Variants in CLVS1 observed in about 807,000 individuals in gnomAD.
CLVS1 encodes the protein clavesin-1.
CLVS1 carries 10 observed loss-of-function variants against 33.1 expected under a neutral mutation model. The observed-to-expected ratio is 0.30, with a 90% CI of 0.19 to 0.51. CLVS1 has a LOEUF of 0.51. Among genes scored for constraint, CLVS1 ranks in the 20% least tolerant of loss-of-function variants. The pLI, the probability that CLVS1 is intolerant of heterozygous loss-of-function variation, is 0.97. For missense variants in CLVS1, 343 were observed against 433.4 expected, an observed-to-expected ratio of 0.79 and a Z score of 1.85; for synonymous variants, 163 against 166.1, an observed-to-expected ratio of 0.98 and a Z score of 0.14.
At chr8:61,266,543 C>A (rs1242301346) in intron 2 of CLVS1, among the ~76,000 whole-genome samples, 1 of 152,174 alleles carries the variant, frequency 6.6e-6, no homozygotes, top group East Asian at 1.9e-4. Flanking sequence ...CATCCTATTT[C>A]TCCACATCTA....
chr8:61,047,799 C>G, the CLVS1 span, among the ~76,000 whole-genome samples: 29,599 of 151,702 alleles, frequency 0.2, 3,923 homozygotes, highest in African/African-American at 0.38. Context: ...TTGTGGGTTG[C>G]GGGGAGCGGG....
intron 1 of CLVS1, 59 bp downstream of exon 1, chr8:61,288,197 C>G: frequency 2.2e-6 from 1 of 456,346 alleles, no homozygotes. Flanking sequence ...CTTTCCCCCG[C>G]TCTTTCGATG....
intron 2 of CLVS1, among the ~76,000 whole-genome samples, chr8:61,344,621 G>A (rs1262573370): frequency 2.0e-5 from 3 of 152,192 alleles, no homozygotes. Context: ...ATAGACTGGA[G>A]TTTGTGCAGC....
At chr8:61,233,346 A>C (rs1291329053) in intron 2 of CLVS1, among the ~76,000 whole-genome samples, 2 of 152,112 alleles carry the variant, frequency 1.3e-5, no homozygotes, top group Non-Finnish European at 2.9e-5. Flanking sequence ...TCAATGTATG[A>C]TATTCAGTGA....
At chr8:61,045,816 C>G in the CLVS1 span, among the ~76,000 whole-genome samples, 2 of 152,282 alleles carry the variant, frequency 1.3e-5, no homozygotes, top group African/African-American at 4.8e-5. Flanking sequence ...GGCTGTGCCT[C>G]TGGCCACTTT....
the CLVS1 span, among the ~76,000 whole-genome samples, chr8:61,004,909 G>A: frequency 1.3e-5 from 2 of 152,108 alleles, no homozygotes; most frequent in African/African-American, 4.8e-5. Flanking sequence ...ATATCTGTCG[G>A]GAAAGGTGTT....
At chr8:61,076,404 T>C (rs1786693498) in intron 1 of CLVS1, among the ~76,000 whole-genome samples, 1 of 152,220 alleles carries the variant, frequency 6.6e-6, no homozygotes. Context: ...AAGAAAGGGC[T>C]AAGATCACAG....
intron 2 of CLVS1, among the ~76,000 whole-genome samples, chr8:61,327,708 T>A (rs935886111): frequency 6.6e-6 from 1 of 152,098 alleles, no homozygotes; most frequent in Admixed American, 6.5e-5. Context: ...ACAAGGCCAC[T>A]GACTCTACAC....
chr8:61,297,550 C>T (rs987795516), intron 1 of CLVS1, among the ~76,000 whole-genome samples: 2 of 152,124 alleles, frequency 1.3e-5, no homozygotes, highest in African/African-American at 4.8e-5. Flanking sequence ...GGAGCAAATT[C>T]AGGATAAGGA....
At chr8:61,496,166 A>G (rs1290651101) in intron 5 of CLVS1, among the ~76,000 whole-genome samples, 4 of 152,220 alleles carry the variant, frequency 2.6e-5, no homozygotes, top group Non-Finnish European at 5.9e-5. Context: ...GTTGGTCTAG[A>G]TGAGTCACTG....
chr8:61,259,129 G>A (rs11780203), intron 2 of CLVS1, among the ~76,000 whole-genome samples: 21,624 of 152,166 alleles, frequency 0.14, 3,168 homozygotes, highest in African/African-American at 0.38. Context: ...TCTCTGTTTA[G>A]AAACTGAGGC....
At chr8:61,110,680 C>G (rs1031012786) in intron 1 of CLVS1, among the ~76,000 whole-genome samples, 10 of 152,160 alleles carry the variant, frequency 6.6e-5, no homozygotes, top group Non-Finnish European at 1.3e-4. Flanking sequence ...TCTGTACCCA[C>G]TAAACTACAG....
At chr8:61,282,554 A>G (rs1809693959) in intron 2 of CLVS1, among the ~76,000 whole-genome samples, 1 of 152,180 alleles carries the variant, frequency 6.6e-6, no homozygotes, top group South Asian at 2.1e-4. Context: ...CTGCCCAAAT[A>G]ATTCAGGCAT....
At chr8:61,480,345 A>G in intron 5 of CLVS1, among the ~76,000 whole-genome samples, 1 of 152,166 alleles carries the variant, frequency 6.6e-6, no homozygotes, top group East Asian at 1.9e-4. Context: ...CTGTGCTAGC[A>G]ATGAGCAAGG....
chr8:61,041,319 T>G, the CLVS1 span, among the ~76,000 whole-genome samples: 1 of 152,180 alleles, frequency 6.6e-6, no homozygotes, highest in African/African-American at 2.4e-5. Context: ...GCTTTTTTTT[T>G]GGTTCCAAAT....
intron 1 of CLVS1, among the ~76,000 whole-genome samples, chr8:61,085,280 A>T (rs1186226669): frequency 6.6e-6 from 1 of 152,210 alleles, no homozygotes; most frequent in Admixed American, 6.5e-5. Flanking sequence ...TTCTTAATGA[A>T]ATAGTACAAC....
In CLVS1 at chr8:61,297,208, A is replaced by T. The variant is rs533007871; in HGVS notation, c.-151-2469A>T. On this transcript the variant is annotated intron_variant, in intron 1 of 5. Coordinates refer to ENST00000325897, the MANE Select transcript of CLVS1 (RefSeq NM_173519.3). ...ATAGTTTTATACTTTATCCTGGGACAACTAGATGCTAATGATGGATATTAA... is the reference window on the plus strand; with the variant it reads ...ATAGTTTTATACTTTATCCTGGGACTACTAGATGCTAATGATGGATATTAA... 3.9e-5 allele frequency among the ~76,000 whole-genome samples: 6 copies of T among 152,300 alleles called. No individual in the cohort carries two copies. The East Asian group carries it at 9.6e-4, about 24-fold the overall frequency.
intron 1 of CLVS1, among the ~76,000 whole-genome samples, chr8:61,290,056 T>A (rs1563479341): frequency 6.6e-6 from 1 of 152,224 alleles, no homozygotes. Flanking sequence ...TAAAACTCCC[T>A]TTTCTGTCTG....
intron 2 of CLVS1, chr8:61,300,719 T>C (rs1810397544): frequency 6.4e-6 from 1 of 156,314 alleles, no homozygotes; most frequent in African/African-American, 2.4e-5. Flanking sequence ...GTGCCAGACA[T>C]TTCTATCCAA....
Sources: allele counts gnomAD v4.1 joint callset (sites outside exome capture counted in the v4.1 genomes callset), GRCh38; gene constraint gnomAD v4.1.1; transcripts MANE v1.5; gene names NCBI Gene and HGNC (gene_info 2026-07-23, HGNC 2026-07-21).